The following DYSF variants were observed in gnomAD, a reference collection of about 807,000 sequenced individuals.
DYSF encodes the protein dystrophy-associated fer-1-like 1.
Under a neutral mutation model 274.9 loss-of-function variants are expected in DYSF, and 212 were observed. The ratio of observed to expected loss-of-function variants is 0.77; its 90% CI spans 0.69 to 0.86. The LOEUF (loss-of-function observed/expected upper bound fraction) is 0.86, where lower values mean the gene tolerates loss of function less well. Ranked by LOEUF, DYSF falls within the 40% of genes least tolerant of loss-of-function variation. The pLI is 0.00. For synonymous variants in DYSF, 1,091 were observed against 1,078.7 expected, an observed-to-expected ratio of 1.01 and a Z score of -0.22; for missense variants, 2,666 against 2,783.2, an observed-to-expected ratio of 0.96 and a Z score of 0.95.
At chr2:71,481,331 C>T (rs1387707094) in intron 2 of DYSF, among the ~76,000 whole-genome samples, 1 of 152,246 alleles carries the variant, frequency 6.6e-6, no homozygotes, top group African/African-American at 2.4e-5. Flanking sequence ...TAGCCCCTGT[C>T]CCCTCAACCA....
intron 42 of DYSF, among the ~76,000 whole-genome samples, chr2:71,645,324 T>A (rs1424687536): frequency 6.6e-6 from 1 of 152,072 alleles, no homozygotes; most frequent in African/African-American, 2.4e-5. Context: ...AAGGTGGTTT[T>A]CCCCTGGAGT....
chr2:71,592,191 C>T (rs1222313509), intron 32 of DYSF, among the ~76,000 whole-genome samples: 2 of 152,174 alleles, frequency 1.3e-5, no homozygotes, highest in African/African-American at 2.4e-5. Context: ...GTGGGCCCTG[C>T]GGGCCGAGCA....
At position 71,637,514 on chromosome 2, in the gene DYSF, G is replaced by C. The variant is rs182076045; in HGVS notation, c.4528-6451G>C. Among the ~76,000 whole-genome samples the C allele has an allele frequency of 3.1e-3, 470 of 152,296 alleles. 2 individuals are homozygous for C. Among genetic ancestry groups the C allele is most frequent in the African/African-American group, 0.011 (438 of 41,560 alleles). On this transcript the variant is annotated intron_variant, in intron 41 of 55. Coordinates refer to ENST00000410020, the MANE Select transcript of DYSF (RefSeq NM_001130987.2). ...GGGGAGAGGGCCAGTGTGGCAGGTG[G>C]TATCAGGAGAAGGGGCGAGTAAAGG...
chr2:71,576,116 C>A (rs2092689976), intron 30 of DYSF, among the ~76,000 whole-genome samples: 1 of 152,254 alleles, frequency 6.6e-6, no homozygotes, highest in South Asian at 2.1e-4. Context: ...GCCCAGCCAG[C>A]CCCTGCACCT....
chr2:71,567,275 A>G (rs1429405795), intron 24 of DYSF, among the ~76,000 whole-genome samples: 1 of 152,222 alleles, frequency 6.6e-6, no homozygotes, highest in South Asian at 2.1e-4. Context: ...GCTGATAATC[A>G]CTTGAAAGGG....
At chr2:71,671,209 C>T (rs777185494) in intron 51 of DYSF, among the ~76,000 whole-genome samples, 12 of 152,180 alleles carry the variant, frequency 7.9e-5, no homozygotes, top group Non-Finnish European at 1.5e-4. Context: ...ATCCCTTTAC[C>T]GAGCCATTGC....
chr2:71,648,981 C>A (rs1475574532), intron 42 of DYSF, among the ~76,000 whole-genome samples: 1 of 151,890 alleles, frequency 6.6e-6, no homozygotes, highest in African/African-American at 2.4e-5. Context: ...TTCCAATGAG[C>A]CTGTCTTGAA....
intron 52 of DYSF, among the ~76,000 whole-genome samples, chr2:71,675,501 T>A (rs1253600773): frequency 1.3e-5 from 2 of 152,186 alleles, no homozygotes; most frequent in Non-Finnish European, 2.9e-5. Context: ...GGGGATATTC[T>A]GAGGCGCGGC....
intron 55 of DYSF, among the ~76,000 whole-genome samples, chr2:71,683,812 C>A (rs1257184306): frequency 6.6e-6 from 1 of 152,232 alleles, no homozygotes; most frequent in African/African-American, 2.4e-5. Context: ...TGTGAGTCCT[C>A]CAGGAGGAGG....
At chr2:71,600,585 G>T in intron 33 of DYSF, 117 bp from the exon 34 acceptor site, 1 of 1,400,854 alleles carries the variant, frequency 7.1e-7, no homozygotes, top group South Asian at 1.2e-5. Context: ...GGGAGGGGGT[G>T]CCCTTACTAC....
chr2:71,512,930 G>T (rs1413931666), intron 5 of DYSF, among the ~76,000 whole-genome samples: 1 of 152,152 alleles, frequency 6.6e-6, no homozygotes, highest in Non-Finnish European at 1.5e-5. Context: ...GCTGGAGTGG[G>T]CTCAGGGGAG....
At chr2:71,643,929 G>A (rs748456518) in intron 41 of DYSF, 36 bp from the exon 42 acceptor site, 18 of 1,544,784 alleles carry the variant, frequency 1.2e-5, no homozygotes, top group African/African-American at 6.8e-5. Flanking sequence ...GGCGAGTCCT[G>A]TTTCTGAAAT....
intron 3 of DYSF, among the ~76,000 whole-genome samples, chr2:71,494,631 A>C (rs1205195620): frequency 6.6e-6 from 1 of 152,196 alleles, no homozygotes; most frequent in African/African-American, 2.4e-5. Context: ...GCATAACCCC[A>C]GGGCCACCAC....
chr2:71,553,223 AG>A (rs2091084693), intron 20 of DYSF, 35 bp downstream of exon 20: 1 of 1,613,246 alleles, frequency 6.2e-7, no homozygotes, highest in Admixed American at 1.7e-5. Flanking sequence ...CCCCGATCAC[AG>A]GATCATAGAG....
At chr2:71,680,936 G>A in intron 53 of DYSF, 65 bp from the exon 54 acceptor site, 1 of 1,414,504 alleles carries the variant, frequency 7.1e-7, no homozygotes, top group Non-Finnish European at 1.0e-6. Context: ...TTTCTGGCCT[G>A]GTTACTCTCC....
At position 71,513,226 on chromosome 2, in the gene DYSF, T is replaced by C. The variant is rs1215896166; in HGVS notation, c.461-14T>C. 2.5e-5 allele frequency: 39 copies of C among 1,551,354 alleles called. No individual in the cohort carries two copies. The highest frequency in any genetic ancestry group is 1.7e-6 in the Non-Finnish European group (2 of 1,146,832). ...TCCCTCCCCTCCCGGGGTTATGCCC[T>C]GCCCACAAGACAGGCGGGGGACAGA... is the stretch of plus-strand genomic sequence containing the variant. On this transcript the variant is annotated splice_polypyrimidine_tract_variant and intron_variant, in intron 5 of 55. Transcript: ENST00000410020.
chr2:71,508,372 G>A lies in DYSF; in HGVS notation c.346-3435G>A, dbSNP rs547046826. On this transcript the variant is annotated intron_variant, in intron 4 of 55. Coordinates refer to ENST00000410020, the MANE Select transcript of DYSF (RefSeq NM_001130987.2). ...CGTCTAATCCCCAGACCCCAGTCGC[G>A]GCTCATCCATTTTTCCCAGTGTCCT... 1.8e-4 allele frequency among the ~76,000 whole-genome samples: 27 copies of A among 152,230 alleles called. 1 individual carries two copies. The highest frequency in any genetic ancestry group is 6.3e-4 in the African/African-American group (26 of 41,536).
chr2:71,637,233 C>T (rs1398474983), intron 41 of DYSF, among the ~76,000 whole-genome samples: 2 of 152,004 alleles, frequency 1.3e-5, no homozygotes, highest in South Asian at 2.1e-4. Flanking sequence ...ATGTTGGTGA[C>T]ACAGGAGAGG....
intron 42 of DYSF, among the ~76,000 whole-genome samples, chr2:71,653,161 C>G (rs1304087452): frequency 6.6e-6 from 1 of 152,152 alleles, no homozygotes; most frequent in Non-Finnish European, 1.5e-5. Context: ...CAGGAAACAA[C>G]AGGTGCTGGA....
Sources: gnomAD v4.1 joint callset for allele counts (sites outside exome capture counted in the v4.1 genomes callset) on GRCh38, gnomAD v4.1.1 for gene constraint, MANE v1.5 for transcripts, NCBI Gene and HGNC (gene_info 2026-07-23, HGNC 2026-07-21) for gene names.